Variants in TMEM229B observed in about 807,000 individuals in gnomAD.
TMEM229B encodes transmembrane protein 229B, also known as chromosome 14 open reading frame 83.
TMEM229B carries 6 observed loss-of-function variants against 13.7 expected under a neutral mutation model. The observed-to-expected ratio is 0.44, with a 90% confidence interval of 0.24 to 0.86. TMEM229B has a LOEUF of 0.86. Among genes scored for constraint, TMEM229B ranks in the 40% least tolerant of loss-of-function variants. The pLI is 0.23. For missense variants in TMEM229B, 170 were observed against 236.0 expected, an observed-to-expected ratio of 0.72 and a Z score of 1.83; for synonymous variants, 107 against 102.1, an observed-to-expected ratio of 1.05 and a Z score of -0.29.
chr14:67,474,260 C>CAA (rs1442774892), intron 2 of TMEM229B, among the ~76,000 whole-genome samples: 39 of 107,596 alleles, frequency 3.6e-4, no homozygotes, highest in African/African-American at 1.5e-3. Flanking sequence ...TCCAAAAAAA[C>CAA]AAAACAAAAA....
chr14:67,489,622 C>T (rs1274626861), upstream of TMEM229B, among the ~76,000 whole-genome samples: 8 of 152,314 alleles, frequency 5.3e-5, no homozygotes. Flanking sequence ...CCACAACCTC[C>T]AGGTCATTCC....
intron 1 of TMEM229B, among the ~76,000 whole-genome samples, chr14:67,497,496 C>T (rs928931846): frequency 6.6e-6 from 1 of 152,160 alleles, no homozygotes. Flanking sequence ...AAGTGGACAC[C>T]TGGAATGCAA....
upstream of TMEM229B, among the ~76,000 whole-genome samples, chr14:67,519,304 A>C (rs2033254491): frequency 6.6e-6 from 1 of 152,254 alleles, no homozygotes; most frequent in Non-Finnish European, 1.5e-5. Flanking sequence ...GATGGCTCGC[A>C]TATTTAAAGG....
Position 67,528,304 on chromosome 14 carries a change from G to A in TMEM229B, c.-192+5332C>T, listed in dbSNP as rs148827287. Among the ~76,000 whole-genome samples, 22 of 152,238 alleles carry A rather than the reference G, an allele frequency of 1.4e-4. 1 individual carries two copies. In the East Asian group the frequency reaches 3.7e-3, roughly 25 times the overall value. On this transcript the variant is annotated intron_variant, in intron 1 of 2. Transcript: ENST00000554278. ...AGCATGAAAACCCATTGTCTACAGC[G>A]GCCACACATGTGTCCCAGAAAAGTA...
chr14:67,475,815 C>T (rs1327377178), intron 2 of TMEM229B, among the ~76,000 whole-genome samples: 2 of 152,232 alleles, frequency 1.3e-5, no homozygotes, highest in Admixed American at 6.5e-5. Context: ...CCTCCACCAG[C>T]GACTGTCTGC....
chr14:67,479,003 A>G (rs1461430424), intron 2 of TMEM229B, among the ~76,000 whole-genome samples: 1 of 152,026 alleles, frequency 6.6e-6, no homozygotes, highest in East Asian at 1.9e-4. Context: ...TTAAACAACA[A>G]TCATCTCTGG....
intron 1 of TMEM229B, among the ~76,000 whole-genome samples, chr14:67,504,348 C>T (rs1373397600): frequency 2.6e-5 from 4 of 152,172 alleles, no homozygotes; most frequent in Non-Finnish European, 5.9e-5. Context: ...AATATAAGTA[C>T]GTTCCTCATG....
intron 2 of TMEM229B, among the ~76,000 whole-genome samples, chr14:67,477,804 C>T (rs2031317292): frequency 6.6e-6 from 1 of 152,124 alleles, no homozygotes; most frequent in Non-Finnish European, 1.5e-5. Flanking sequence ...ATTATCTTTT[C>T]CCCAAAACCT....
intron 1 of TMEM229B, among the ~76,000 whole-genome samples, chr14:67,522,871 G>A (rs1159390294): frequency 6.6e-6 from 1 of 152,188 alleles, no homozygotes; most frequent in East Asian, 1.9e-4. Context: ...CCACCTTCAG[G>A]AAAGGCTGCA....
At chr14:67,500,772 C>T (rs1480030339) in intron 1 of TMEM229B, among the ~76,000 whole-genome samples, 1 of 151,610 alleles carries the variant, frequency 6.6e-6, no homozygotes, top group African/African-American at 2.4e-5. Context: ...GGGGTTTCAC[C>T]GTGTTAGCCA....
rs921335421 is a variant in TMEM229B at position 67,471,475 on chromosome 14, T to A, written c.*1945A>T. On this transcript the variant is annotated 3_prime_UTR_variant, in exon 3 of 3. Coordinates refer to ENST00000554480, the MANE Select transcript of TMEM229B (RefSeq NM_001348543.2). ...GCCAGACAATATTCTCCTCCTGGAA[T>A]TTTCTCCACCTATAGATGGAAAACA... is the stretch of plus-strand genomic sequence containing the variant. The A allele has an allele frequency of 6.6e-6, 1 of 152,002 alleles. No homozygotes were observed. The highest frequency in any genetic ancestry group is 2.4e-5 in the African/African-American group (1 of 41,356). The allele number at this position is 152,002 out of a possible 1,614,324, so 9.4% of individuals were successfully genotyped here. A position where few individuals can be genotyped will look rare whatever the true frequency, so the allele number is the denominator to read the frequency against.
In TMEM229B at chr14:67,473,682, G is replaced by T; in HGVS notation, c.242C>A (p.Thr81Lys). 1.3e-6 allele frequency: 2 copies of T among 1,584,818 alleles called. No individual in the cohort carries two copies. The highest frequency in any genetic ancestry group is 1.7e-6 in the Non-Finnish European group (2 of 1,165,642). The change falls in exon 3 of 3, where the codon ACG becomes AAG. Residue 81 changes from threonine to lysine, a missense_variant. This residue lies in a region of TMEM229B where 57 missense variants were observed against 66.7 expected (regional missense o/e 0.85). Transcript: ENST00000554480. This position sits in a 1 kb window ranked among gnomAD's most constrained non-coding sequence, Gnocchi z 6.5. ...GAACTCCCACAGGTAGGTCCAGAGC[G>T]TGTAGATGAGGCAGCGCAGGAGCAG... ...CPLLLRCLIY[T>K]LWTYLWEFTT...
At chr14:67,508,757 A>AAAAAAAAAAAAAAAAAAC (rs1269386811) in intron 1 of TMEM229B, among the ~76,000 whole-genome samples, 1 of 149,154 alleles carries the variant, frequency 6.7e-6, no homozygotes, top group Non-Finnish European at 1.5e-5. Flanking sequence ...TTGTCTCAAA[A>AAAAAAAAAAAAAAAAAAC]AAAAAAAAAA....
intron 1 of TMEM229B, among the ~76,000 whole-genome samples, chr14:67,497,852 C>T (rs183301768): frequency 5.0e-4 from 76 of 152,104 alleles, no homozygotes; most frequent in African/African-American, 1.8e-3. Context: ...GTTACATTCT[C>T]GGTGAGTCTA....
intron 2 of TMEM229B, among the ~76,000 whole-genome samples, chr14:67,478,324 T>C: frequency 6.6e-6 from 1 of 152,206 alleles, no homozygotes; most frequent in East Asian, 1.9e-4. Context: ...AGCCACCAAG[T>C]CAGCTACTAA....
At chr14:67,476,454 G>A (rs1219171294) in intron 2 of TMEM229B, among the ~76,000 whole-genome samples, 2 of 152,102 alleles carry the variant, frequency 1.3e-5, no homozygotes, top group African/African-American at 4.8e-5. Context: ...GGGTGTGGTG[G>A]CATGCACCTG....
In TMEM229B at chr14:67,473,975, G is replaced by A. The variant is rs759513162; in HGVS notation, c.-18-34C>T. 6 of 1,530,830 alleles carry A rather than the reference G, an allele frequency of 3.9e-6. No homozygotes were observed. Among genetic ancestry groups the A allele is most frequent in the Admixed American group, 2.0e-5 (1 of 49,028 alleles). 94.8% of individuals were successfully genotyped at this position (1,530,830 alleles called of 1,614,324 possible). ...GGCGCAAGAGAGACAGGTGAGGGCC[G>A]GGCGCGGTGGCTCACGCCTATAATC... On this transcript the variant is annotated intron_variant, in intron 2 of 2. Transcript: ENST00000554480. The surrounding 1 kb of genome is among the most constrained non-coding windows in gnomAD (Gnocchi z 6.5).
chr14:67,470,826 T>G lies in TMEM229B; in HGVS notation c.*2594A>C, dbSNP rs1249201211. ...AACTCAGAGATGCTGCCATGTCTAG[T>G]GGAGAGAGGCCCAGGACACCAGAGG... is the stretch of plus-strand genomic sequence containing the variant. On this transcript the variant is annotated 3_prime_UTR_variant, in exon 3 of 3. Coordinates refer to ENST00000554480, the MANE Select transcript of TMEM229B (RefSeq NM_001348543.2). 2.0e-5 allele frequency: 3 copies of G among 152,554 alleles called. No individual in the cohort carries two copies. The highest frequency in any genetic ancestry group is 4.4e-5 in the Non-Finnish European group (3 of 68,090). The allele number at this position is 152,554 out of a possible 1,614,324, so 9.5% of individuals were successfully genotyped here. A position where few individuals can be genotyped will look rare whatever the true frequency, so the allele number is the denominator to read the frequency against.
At chr14:67,506,711 A>T (rs4902476) in intron 1 of TMEM229B, among the ~76,000 whole-genome samples, 8 of 152,182 alleles carry the variant, frequency 5.3e-5, no homozygotes, top group South Asian at 2.1e-4. Context: ...TTGGGCCAGG[A>T]GTGGTGGCTC....
Sources: gnomAD v4.1 joint callset for allele counts (sites outside exome capture counted in the v4.1 genomes callset) on GRCh38, gnomAD v4.1.1 for gene constraint, gnomAD v4.1.1 regional missense constraint, Gnocchi (gnomAD v3.1) non-coding constraint, MANE v1.5 for transcripts, NCBI Gene and HGNC (gene_info 2026-07-23, HGNC 2026-07-21) for gene names.